The following KCTD8 variants were observed in gnomAD, a reference collection of about 807,000 sequenced individuals.
The protein encoded by KCTD8 is potassium channel tetramerization domain containing 8.
A neutral mutation model predicts 31.5 loss-of-function variants in KCTD8; 27 were observed. The observed-to-expected ratio is 0.86, with a 90% confidence interval of 0.63 to 1.18. The LOEUF (loss-of-function observed/expected upper bound fraction) is 1.18. KCTD8 is among the 50% of genes most tolerant of loss of function. The pLI is 0.00. For synonymous variants in KCTD8, 290 were observed against 280.0 expected (o/e 1.04, Z -0.36); for missense variants, 658 against 647.7 (o/e 1.02, Z -0.17).
chr4:44,409,844 GAA>G (rs201190350), intron 1 of KCTD8, among the ~76,000 whole-genome samples: 1 of 141,794 alleles, frequency 7.1e-6, no homozygotes, highest in Non-Finnish European at 1.5e-5. Context: ...TGGGAAAACA[GAA>G]AAAAAAAAAC....
intron 1 of KCTD8, among the ~76,000 whole-genome samples, chr4:44,235,250 G>T (rs1300350386): frequency 6.8e-6 from 1 of 147,578 alleles, no homozygotes; most frequent in African/African-American, 2.5e-5. Flanking sequence ...TTTTATACAT[G>T]AGAAACTTCA....
intron 1 of KCTD8, among the ~76,000 whole-genome samples, chr4:44,188,593 T>G (rs1267039356): frequency 6.6e-6 from 1 of 152,174 alleles, no homozygotes; most frequent in Non-Finnish European, 1.5e-5. Context: ...AAATGTCACT[T>G]TCCATGAAAA....
chr4:44,302,413 C>A (rs1577603437), intron 1 of KCTD8, among the ~76,000 whole-genome samples: 1 of 152,124 alleles, frequency 6.6e-6, no homozygotes, highest in Non-Finnish European at 1.5e-5. Context: ...GTTTGTAGTT[C>A]TCCTTGAAGA....
At chr4:44,416,772 C>T (rs148971339) in intron 1 of KCTD8, among the ~76,000 whole-genome samples, 188 of 152,228 alleles carry the variant, frequency 1.2e-3, no homozygotes, top group African/African-American at 4.5e-3. Context: ...GCCTGCAGAA[C>T]CATGAACCAA....
intron 1 of KCTD8, among the ~76,000 whole-genome samples, chr4:44,344,837 C>A (rs1469172566): frequency 6.6e-6 from 1 of 152,140 alleles, no homozygotes; most frequent in Non-Finnish European, 1.5e-5. Context: ...TATGGGCCAC[C>A]ATTTGAGAAA....
intron 1 of KCTD8, among the ~76,000 whole-genome samples, chr4:44,273,379 ACATAAAAATTTTCTAAAAG>A (rs1716665672): frequency 6.6e-6 from 1 of 152,012 alleles, no homozygotes; most frequent in Non-Finnish European, 1.5e-5. Flanking sequence ...ACAAAGCTGT[ACATAAAAATTTTCTAAAAG>A]AAAACAACTA....
intron 1 of KCTD8, among the ~76,000 whole-genome samples, chr4:44,399,249 C>T (rs1720584605): frequency 6.6e-6 from 1 of 151,946 alleles, no homozygotes; most frequent in Admixed American, 6.6e-5. Flanking sequence ...GAAAGGCAGA[C>T]GTCTGACTGT....
chr4:44,365,348 G>A (rs898819449), intron 1 of KCTD8, among the ~76,000 whole-genome samples: 5 of 151,990 alleles, frequency 3.3e-5, no homozygotes, highest in Admixed American at 6.6e-5. Flanking sequence ...AATGTTAAAC[G>A]CATCTAGTTC....
At chr4:44,270,943 A>T (rs75219599) in intron 1 of KCTD8, among the ~76,000 whole-genome samples, 11,995 of 152,072 alleles carry the variant, frequency 0.079, 633 homozygotes, top group Non-Finnish European at 0.11. Flanking sequence ...TCATTCCTAC[A>T]TTCGTTTCAT....
At chr4:44,325,228 T>A (rs190185988) in intron 1 of KCTD8, among the ~76,000 whole-genome samples, 1 of 151,912 alleles carries the variant, frequency 6.6e-6, no homozygotes, top group East Asian at 1.9e-4. Flanking sequence ...GAGGTGTGTA[T>A]GTAAGATCCT....
intron 1 of KCTD8, among the ~76,000 whole-genome samples, chr4:44,182,138 C>T (rs1713436857): frequency 6.6e-6 from 1 of 151,418 alleles, no homozygotes; most frequent in Non-Finnish European, 1.5e-5. Flanking sequence ...TCAGCCCCCG[C>T]CCGGCCAGCC....
rs568137407 is a variant in KCTD8 at position 44,349,675 on chromosome 4, G to A, written c.961+97888C>T. 6.6e-5 allele frequency among the ~76,000 whole-genome samples: 10 copies of A among 152,198 alleles called. No homozygotes were observed. The East Asian group carries it at 1.5e-3, about 24-fold the overall frequency. On this transcript the variant is annotated intron_variant, in intron 1 of 1. Coordinates refer to ENST00000360029, the MANE Select transcript of KCTD8 (RefSeq NM_198353.3). ...TCCCCTAGATACCTTGCACTTACAC[G>A]ACTAGATTTGACCTATGCTTCCTAT...
At chr4:44,231,840 A>G (rs1275567639) in intron 1 of KCTD8, among the ~76,000 whole-genome samples, 1 of 151,958 alleles carries the variant, frequency 6.6e-6, no homozygotes, top group Non-Finnish European at 1.5e-5. Context: ...CTTTGATGGA[A>G]TAACAGGCTT....
At chr4:44,433,239 A>G (rs1423034604) in intron 1 of KCTD8, among the ~76,000 whole-genome samples, 1 of 151,780 alleles carries the variant, frequency 6.6e-6, no homozygotes, top group Non-Finnish European at 1.5e-5. Context: ...GTCATTACCT[A>G]TATCTTTTTC....
intron 1 of KCTD8, among the ~76,000 whole-genome samples, chr4:44,304,305 ATAAC>A (rs1247603572): frequency 1.3e-5 from 2 of 152,198 alleles, no homozygotes; most frequent in Non-Finnish European, 2.9e-5. Flanking sequence ...TATTCAATAA[ATAAC>A]TGTTTATTAA....
At chr4:44,348,845 T>C (rs1200264368) in intron 1 of KCTD8, among the ~76,000 whole-genome samples, 1 of 151,206 alleles carries the variant, frequency 6.6e-6, no homozygotes, top group Admixed American at 6.6e-5. Flanking sequence ...CTGGCATTGA[T>C]TCCCTCCTGC....
chr4:44,435,798 A>G (rs901640458), intron 1 of KCTD8, among the ~76,000 whole-genome samples: 1 of 151,978 alleles, frequency 6.6e-6, no homozygotes, highest in African/African-American at 2.4e-5. Flanking sequence ...TGAGGAGGCT[A>G]GGTGGCTACA....
intron 1 of KCTD8, among the ~76,000 whole-genome samples, chr4:44,245,269 C>A (rs1251288299): frequency 6.6e-6 from 1 of 151,984 alleles, no homozygotes; most frequent in Non-Finnish European, 1.5e-5. Context: ...TAGTCCTCAG[C>A]ATGTTTTAAA....
chr4:44,396,384 G>A (rs1175343372), intron 1 of KCTD8, among the ~76,000 whole-genome samples: 1 of 152,060 alleles, frequency 6.6e-6, no homozygotes, highest in African/African-American at 2.4e-5. Context: ...CTGTGGCCTG[G>A]GGTTTGGGGA....
Sources: gnomAD v4.1 joint callset for allele counts (sites outside exome capture counted in the v4.1 genomes callset) on GRCh38, gnomAD v4.1.1 for gene constraint, MANE v1.5 for transcripts, NCBI Gene and HGNC (gene_info 2026-07-23, HGNC 2026-07-21) for gene names.